Variants in BANK1 observed in about 807,000 individuals in gnomAD.
BANK1 encodes B cell scaffold protein with ankyrin repeats 1, also known as B-cell scaffold protein with ankyrin repeats.
Under a neutral mutation model 94.5 loss-of-function variants are expected in BANK1, and 95 were observed. The ratio of observed to expected loss-of-function variants is 1.00; its 90% CI spans 0.85 to 1.19. The LOEUF (loss-of-function observed/expected upper bound fraction) is 1.19. Among genes scored for constraint, BANK1 ranks in the 50% most tolerant of loss-of-function variants. The probability of loss-of-function intolerance (pLI) is 0.00; values close to 1 mark genes in which losing one functional copy is unlikely to be tolerated. For synonymous variants in BANK1, 334 were observed against 308.4 expected (o/e 1.08, Z -0.87); for missense variants, 987 against 932.2 (o/e 1.06, Z -0.77).
At chr4:101,873,869 T>G (rs1728392153) in intron 5 of BANK1, among the ~76,000 whole-genome samples, 1 of 152,190 alleles carries the variant, frequency 6.6e-6, no homozygotes, top group South Asian at 2.1e-4. Flanking sequence ...AATTAAAATC[T>G]TTGAGACTTT....
intron 7 of BANK1, among the ~76,000 whole-genome samples, chr4:101,954,473 T>C (rs1304070621): frequency 6.6e-6 from 1 of 152,052 alleles, no homozygotes; most frequent in East Asian, 1.9e-4. Flanking sequence ...CAGGTAAACA[T>C]TAGTAGGCCT....
chr4:101,967,153 A>G (rs1363890976), intron 7 of BANK1, among the ~76,000 whole-genome samples: 1 of 152,092 alleles, frequency 6.6e-6, no homozygotes, highest in Non-Finnish European at 1.5e-5. Flanking sequence ...TCGCAGTTAA[A>G]TGGGAGTCAT....
chr4:101,793,502 A>G (rs1038276292), intron 1 of BANK1, among the ~76,000 whole-genome samples: 1 of 152,204 alleles, frequency 6.6e-6, no homozygotes, highest in Non-Finnish European at 1.5e-5. Flanking sequence ...TCAAGGTTAA[A>G]TATCAGCATA....
chr4:101,830,244 G>GT (rs58497383), intron 2 of BANK1, 38 bp downstream of exon 2: 53,263 of 1,249,388 alleles, frequency 0.043, 22 homozygotes, highest in Non-Finnish European at 0.047. Flanking sequence ...ATTTTTATTT[G>GT]TTTTTTTTTT....
At chr4:101,796,774 A>G (rs1725170728) in intron 1 of BANK1, among the ~76,000 whole-genome samples, 1 of 152,166 alleles carries the variant, frequency 6.6e-6, no homozygotes, top group South Asian at 2.1e-4. Flanking sequence ...AAAATTTTAT[A>G]GCATACTGTT....
At chr4:101,959,936 T>C (rs73834515) in intron 7 of BANK1, among the ~76,000 whole-genome samples, 136 of 152,320 alleles carry the variant, frequency 8.9e-4, no homozygotes, top group African/African-American at 3.1e-3. Context: ...ATGTGGTCAT[T>C]ACCTTCCCTG....
At chr4:101,998,895 C>T (rs1039806465) in intron 7 of BANK1, among the ~76,000 whole-genome samples, 3 of 152,096 alleles carry the variant, frequency 2.0e-5, no homozygotes, top group African/African-American at 7.2e-5. Flanking sequence ...TCCTGGGTCC[C>T]ATGTCCTACT....
intron 7 of BANK1, among the ~76,000 whole-genome samples, chr4:101,941,386 A>G (rs1432631135): frequency 6.6e-6 from 1 of 151,816 alleles, no homozygotes. Flanking sequence ...CACTGCTACT[A>G]GGTATTACCT....
intron 10 of BANK1, 77 bp from the exon 11 acceptor site, chr4:102,043,762 G>T: frequency 1.2e-6 from 1 of 823,750 alleles, no homozygotes; most frequent in Non-Finnish European, 1.9e-6. Flanking sequence ...TTGCATTCTG[G>T]CTTCCTGGAG....
At position 101,983,125 on chromosome 4, in the gene BANK1, T is replaced by A. The variant is rs1725375503; in HGVS notation, c.1207-38389T>A. Among the ~76,000 whole-genome samples, 4 of 152,112 alleles carry A rather than the reference T, an allele frequency of 2.6e-5. No homozygotes were observed. In the South Asian group the frequency reaches 8.3e-4, roughly 31 times the overall value. On this transcript the variant is annotated intron_variant, in intron 7 of 16. Transcript: ENST00000322953. ...TTAGGTTTGCTTTTCTTCTTATGCC[T>A]AATAAGTAATGGAAATATTTATCTT... is the stretch of plus-strand genomic sequence containing the variant.
At chr4:101,857,943 G>GT (rs1426400135) in intron 3 of BANK1, among the ~76,000 whole-genome samples, 3 of 151,992 alleles carry the variant, frequency 2.0e-5, no homozygotes, top group Non-Finnish European at 2.9e-5. Flanking sequence ...ATGCCTCTTG[G>GT]TTTTTTTGTG....
chr4:102,059,299 A>G (rs1003836718), intron 11 of BANK1, among the ~76,000 whole-genome samples: 34 of 152,132 alleles, frequency 2.2e-4, no homozygotes, highest in African/African-American at 8.0e-4. Flanking sequence ...GCATATTTAG[A>G]TTTGATAGTA....
chr4:102,072,434 C>A, intron 15 of BANK1, 34 bp downstream of exon 15: 1 of 1,455,758 alleles, frequency 6.9e-7, no homozygotes, highest in Non-Finnish European at 9.6e-7. Context: ...CTATAAAATG[C>A]AAAGAAATAA....
chr4:102,029,557 ATATAAT>A (rs1402353393), intron 9 of BANK1, among the ~76,000 whole-genome samples: 3 of 148,170 alleles, frequency 2.0e-5, no homozygotes, highest in East Asian at 1.9e-4. Flanking sequence ...TATTTAATAC[ATATAAT>A]TATATTTTAT....
rs116860862 is a variant in BANK1, at chr4:101,964,663, T to C, written c.1206+46474T>C. 4.6e-3 allele frequency among the ~76,000 whole-genome samples: 706 copies of C among 152,190 alleles called. 13 individuals carry two copies. The East Asian group carries it at 0.056, about 12-fold the overall frequency. On this transcript the variant is annotated intron_variant, in intron 7 of 16. Coordinates refer to ENST00000322953, the MANE Select transcript of BANK1 (RefSeq NM_017935.5). ...AAGGCTCCTTATTAAATGACTTCTT[T>C]ACTGAAATGACTTTTTCTTCCTCCT...
At chr4:101,807,585 C>A (rs149939227) in intron 1 of BANK1, among the ~76,000 whole-genome samples, 2 of 152,306 alleles carry the variant, frequency 1.3e-5, no homozygotes, top group African/African-American at 2.4e-5. Context: ...AAGGAGGTTT[C>A]ACTTTCCAGA....
At chr4:101,886,468 C>G (rs1180030560) in intron 5 of BANK1, among the ~76,000 whole-genome samples, 1 of 152,182 alleles carries the variant, frequency 6.6e-6, no homozygotes, top group Non-Finnish European at 1.5e-5. Flanking sequence ...TTCAATAAAT[C>G]ATGGCATCAT....
In BANK1 at chr4:101,855,060, C is replaced by T; in HGVS notation, c.495C>T (p.Asn165=). 1 of 1,612,326 alleles carries T rather than the reference C, an allele frequency of 6.2e-7. No individual in the cohort carries two copies. The highest frequency in any genetic ancestry group is 1.3e-5 in the African/African-American group (1 of 74,982). Residue 165 remains asparagine (N), a synonymous_variant, in exon 3 of 17, where the codon AAC becomes AAT. Transcript: ENST00000322953. Reference sequence around the variant, plus strand: ...ATTCTGAAGACTACTTTGAGGTCAACATTCCAACAGACCTACGAGCAAAAC... The same window carrying T: ...ATTCTGAAGACTACTTTGAGGTCAATATTCCAACAGACCTACGAGCAAAAC... ...FKDSEDYFEV[N]IPTDLRAKHS...
At chr4:101,928,840 C>A (rs1723248224) in intron 7 of BANK1, among the ~76,000 whole-genome samples, 1 of 151,246 alleles carries the variant, frequency 6.6e-6, no homozygotes, top group African/African-American at 2.4e-5. Flanking sequence ...AACATTTGTT[C>A]ACGGCCCATT....
Sources: allele counts gnomAD v4.1 joint callset (sites outside exome capture counted in the v4.1 genomes callset), GRCh38; gene constraint gnomAD v4.1.1; transcripts MANE v1.5; gene names NCBI Gene and HGNC (gene_info 2026-07-23, HGNC 2026-07-21).